Variants in TMEM196 observed in about 807,000 individuals in gnomAD.
The protein encoded by TMEM196 is transmembrane protein 196.
In TMEM196, 17 loss-of-function variants were observed where a neutral mutation model predicts 20.0. That is an observed-to-expected ratio of 0.85 (90% CI 0.58 to 1.27). The LOEUF is 1.27. Ranked by LOEUF, TMEM196 falls within the 50% of genes most tolerant of loss-of-function variation. The probability of loss-of-function intolerance (pLI) is 0.00; values close to 1 mark genes in which losing one functional copy is unlikely to be tolerated. For synonymous variants in TMEM196, 113 were observed against 88.9 expected (o/e 1.27, Z -1.52); for missense variants, 267 against 223.0 (o/e 1.20, Z -1.26).
chr7:19,766,882 T>C (rs1257709084), intron 1 of TMEM196, among the ~76,000 whole-genome samples: 2 of 152,072 alleles, frequency 1.3e-5, no homozygotes, highest in Non-Finnish European at 2.9e-5. Flanking sequence ...AAAGTACACA[T>C]TGGATAATCT....
At chr7:19,769,686 A>G (rs1785782351) in intron 1 of TMEM196, among the ~76,000 whole-genome samples, 1 of 151,528 alleles carries the variant, frequency 6.6e-6, no homozygotes, top group Non-Finnish European at 1.5e-5. Context: ...CCAACCTCTG[A>G]TTGAAAATAT....
intron 1 of TMEM196, among the ~76,000 whole-genome samples, chr7:19,766,549 A>G (rs1288047792): frequency 6.6e-6 from 1 of 151,012 alleles, no homozygotes; most frequent in African/African-American, 2.4e-5. Context: ...AGGATCATAT[A>G]TATTACATAT....
At chr7:19,754,606 G>A (rs946492313) in intron 1 of TMEM196, among the ~76,000 whole-genome samples, 6 of 151,966 alleles carry the variant, frequency 3.9e-5, no homozygotes, top group Admixed American at 2.0e-4. Flanking sequence ...ATTCTTTTCT[G>A]TAGTCATGGG....
rs186886116 is a variant in TMEM196, at chr7:19,722,618, C to A, written c.534-484G>T. Among the ~76,000 whole-genome samples, 13 of 152,194 alleles carry A rather than the reference C, an allele frequency of 8.5e-5. No individual in the cohort carries two copies. In the East Asian group the frequency reaches 2.5e-3, roughly 29 times the overall value. ...ATTGCTCATTTGTAACTATGGATCA[C>A]TAAAAAATCATAGTGGGAAAGATTG... On this transcript the variant is annotated intron_variant, in intron 4 of 4. Transcript: ENST00000405844.
intron 2 of TMEM196, among the ~76,000 whole-genome samples, chr7:19,728,637 G>T (rs1300187125): frequency 9.9e-5 from 15 of 152,178 alleles, no homozygotes; most frequent in Admixed American, 9.8e-4. Context: ...GGGTCCCTGT[G>T]TAGTATTAAT....
Position 19,720,044 on chromosome 7 carries a change from ATCCTTGCATGAAT to A in TMEM196, c.*2071_*2083del, listed in dbSNP as rs982954605. ...GTTTATTCTTTCAGTACAAAACTACATCCTTGCATGAATTCAGGAGGACCATACACACACAAAT... is the reference window on the plus strand; with the variant it reads ...GTTTATTCTTTCAGTACAAAACTACATCAGGAGGACCATACACACACAAAT... On this transcript the variant is annotated 3_prime_UTR_variant, in exon 5 of 5. Transcript: ENST00000405844. 7.2e-5 allele frequency: 11 copies of A among 152,076 alleles called. No individual in the cohort carries two copies. Among genetic ancestry groups the A allele is most frequent in the Admixed American group, 2.0e-4 (3 of 15,262 alleles). The allele number at this position is 152,076 out of a possible 1,614,324, so 9.4% of individuals were successfully genotyped here.
intron 1 of TMEM196, among the ~76,000 whole-genome samples, chr7:19,759,559 T>C (rs1785349373): frequency 6.6e-6 from 1 of 152,154 alleles, no homozygotes; most frequent in Admixed American, 6.6e-5. Flanking sequence ...TCTCTCTATA[T>C]TGATCTCACA....
In TMEM196 at chr7:19,720,233, G is replaced by GGGAGAC. The variant is rs1554297064; in HGVS notation, c.*1889_*1894dup. On this transcript the variant is annotated 3_prime_UTR_variant, in exon 5 of 5. Coordinates refer to ENST00000405844, the MANE Select transcript of TMEM196 (RefSeq NM_001363562.2). Reference sequence around the variant, plus strand: ...GGCAATGAAGTTATCCAAAGGAATTGGGAGACTTCAAAAAGTGCACCAAAC... The same window carrying GGGAGAC: ...GGCAATGAAGTTATCCAAAGGAATTGGGAGACGGAGACTTCAAAAAGTGCACCAAAC... The GGGAGAC allele has an allele frequency of 1.3e-5, 2 of 151,940 alleles. No homozygotes were observed. The highest frequency in any genetic ancestry group is 1.5e-5 in the Non-Finnish European group (1 of 67,878). The allele number at this position is 151,940 out of a possible 1,614,324, so 9.4% of individuals were successfully genotyped here. A position where few individuals can be genotyped will look rare whatever the true frequency, so the allele number is the denominator to read the frequency against.
At chr7:19,763,873 GC>G (rs1348382740) in intron 1 of TMEM196, among the ~76,000 whole-genome samples, 10 of 152,152 alleles carry the variant, frequency 6.6e-5, no homozygotes, top group Non-Finnish European at 8.8e-5. Context: ...TTTCTGTTTT[GC>G]AGATGAATTA....
chr7:19,728,549 T>G (rs1298190402), intron 2 of TMEM196, among the ~76,000 whole-genome samples: 1 of 152,142 alleles, frequency 6.6e-6, no homozygotes, highest in Non-Finnish European at 1.5e-5. Flanking sequence ...ATAACTGCAA[T>G]GCTTCCCATT....
chr7:19,767,705 G>A (rs778814823), intron 1 of TMEM196, among the ~76,000 whole-genome samples: 148 of 151,886 alleles, frequency 9.7e-4, no homozygotes, highest in Non-Finnish European at 1.7e-3. Context: ...TTTTTTGGGG[G>A]GATAGGAGCA....
chr7:19,764,031 A>G (rs1463193179), intron 1 of TMEM196, among the ~76,000 whole-genome samples: 1 of 152,194 alleles, frequency 6.6e-6, no homozygotes, highest in Non-Finnish European at 1.5e-5. Context: ...AAATGCACAA[A>G]TTTCTATTTT....
At chr7:19,748,017 A>G (rs1030219032) in intron 1 of TMEM196, among the ~76,000 whole-genome samples, 2 of 152,168 alleles carry the variant, frequency 1.3e-5, no homozygotes, top group Admixed American at 1.3e-4. Flanking sequence ...ATTTGTAAAA[A>G]GGATTACTTC....
chr7:19,762,126 A>T (rs1231324543), intron 1 of TMEM196, among the ~76,000 whole-genome samples: 2 of 152,182 alleles, frequency 1.3e-5, no homozygotes, highest in African/African-American at 4.8e-5. Context: ...TGAATTTTAT[A>T]TAAGGGGAAC....
Position 19,721,946 on chromosome 7 carries a change from G to A in TMEM196, c.*182C>T, listed in dbSNP as rs1213955195. 6 of 787,026 alleles carry A rather than the reference G, an allele frequency of 7.6e-6. No homozygotes were observed. The highest frequency in any genetic ancestry group is 1.8e-5 in the South Asian group (1 of 56,088). 48.8% of individuals were successfully genotyped at this position (787,026 alleles called of 1,614,324 possible). ...AACCAGTGAGGCAATATATTTTTTA[G>A]GAAGAATAATTTTAGTGGATGCTCA... On this transcript the variant is annotated 3_prime_UTR_variant, in exon 5 of 5. Coordinates refer to ENST00000405844, the MANE Select transcript of TMEM196 (RefSeq NM_001363562.2).
chr7:19,732,870 A>G (rs764262747), intron 1 of TMEM196, among the ~76,000 whole-genome samples: 1 of 152,226 alleles, frequency 6.6e-6, no homozygotes, highest in African/African-American at 2.4e-5. Context: ...ACATAACTTT[A>G]TCCAGGATGC....
chr7:19,755,530 C>G (rs1785174951), intron 1 of TMEM196, among the ~76,000 whole-genome samples: 1 of 152,066 alleles, frequency 6.6e-6, no homozygotes, highest in South Asian at 2.1e-4. Context: ...TTTGATTTTA[C>G]TAGTAAAAAA....
chr7:19,724,438 A>G (rs1352953385), intron 3 of TMEM196, 85 bp from the exon 4 acceptor site: 1 of 1,227,946 alleles, frequency 8.1e-7, no homozygotes, highest in Admixed American at 2.1e-5. Context: ...ATAAAGCACA[A>G]AAGAGCCACT....
At chr7:19,766,481 G>A (rs549558992) in intron 1 of TMEM196, among the ~76,000 whole-genome samples, 1 of 151,648 alleles carries the variant, frequency 6.6e-6, no homozygotes, top group East Asian at 1.9e-4. Flanking sequence ...AGGTACAGGA[G>A]TTCCATTTGC....
Sources: allele counts gnomAD v4.1 joint callset (sites outside exome capture counted in the v4.1 genomes callset), GRCh38; gene constraint gnomAD v4.1.1; transcripts MANE v1.5; gene names NCBI Gene and HGNC (gene_info 2026-07-23, HGNC 2026-07-21).